Variants in UIMC1 observed in about 807,000 individuals in gnomAD.
UIMC1 encodes BRCA1-A complex subunit RAP80.
UIMC1 carries 42 observed loss-of-function variants against 84.9 expected under a neutral mutation model. The observed-to-expected ratio is 0.49, with a 90% CI of 0.39 to 0.64. UIMC1 has a LOEUF of 0.64. Ranked by LOEUF, UIMC1 falls within the 30% of genes least tolerant of loss-of-function variation. The probability of loss-of-function intolerance (pLI) is 0.00; values close to 1 mark genes in which losing one functional copy is unlikely to be tolerated. For synonymous variants in UIMC1, 281 were observed against 293.0 expected, an observed-to-expected ratio of 0.96 and a Z score of 0.42; for missense variants, 825 against 847.6, an observed-to-expected ratio of 0.97 and a Z score of 0.33.
intron 3 of UIMC1, among the ~76,000 whole-genome samples, chr5:176,971,193 C>T (rs1173119827): frequency 2.0e-5 from 3 of 152,214 alleles, no homozygotes; most frequent in Non-Finnish European, 4.4e-5. Context: ...AATGAATAAA[C>T]AGAGGAATTA....
intron 1 of UIMC1, among the ~76,000 whole-genome samples, chr5:176,995,645 C>G (rs1773499374): frequency 6.6e-6 from 1 of 150,830 alleles, no homozygotes; most frequent in Non-Finnish European, 1.5e-5. Flanking sequence ...AGATCGAGAC[C>G]ATCCTGGCTA....
chr5:176,973,506 G>C (rs1769580750), intron 3 of UIMC1, among the ~76,000 whole-genome samples: 1 of 151,096 alleles, frequency 6.6e-6, no homozygotes, highest in Non-Finnish European at 1.5e-5. Flanking sequence ...CTCAAGTCCA[G>C]GTGGTCGAAG....
chr5:176,940,274 T>A (rs1035244063), intron 10 of UIMC1, among the ~76,000 whole-genome samples: 2 of 152,206 alleles, frequency 1.3e-5, no homozygotes, highest in Non-Finnish European at 1.5e-5. Flanking sequence ...CAGTTATAAA[T>A]GCCAAAGCTT....
chr5:177,018,457 G>A (rs1428918195), intron 1 of UIMC1, among the ~76,000 whole-genome samples: 1 of 152,114 alleles, frequency 6.6e-6, no homozygotes, highest in African/African-American at 2.4e-5. Flanking sequence ...TGCACATACA[G>A]AGTCAGTATT....
In UIMC1 at chr5:176,944,005, C is replaced by T. The variant is rs181313342; in HGVS notation, c.1444-517G>A. Reference sequence around the variant, plus strand: ...ATCCTCATTGCATCAGTGTGCTGTGCCTGCTGGGTTTCACATTTTGCATAT... The same window carrying T: ...ATCCTCATTGCATCAGTGTGCTGTGTCTGCTGGGTTTCACATTTTGCATAT... On this transcript the variant is annotated intron_variant, in intron 9 of 14. Coordinates refer to ENST00000511320, the MANE Select transcript of UIMC1 (RefSeq NM_001199298.2). Among the ~76,000 whole-genome samples the T allele has an allele frequency of 2.6e-5, 4 of 152,290 alleles. No homozygotes were observed. In the East Asian group the frequency reaches 7.7e-4, roughly 29 times the overall value.
intron 1 of UIMC1, among the ~76,000 whole-genome samples, chr5:176,999,262 A>G (rs1047162835): frequency 2.6e-5 from 4 of 152,194 alleles, no homozygotes; most frequent in Non-Finnish European, 5.9e-5. Context: ...TAAGTCTTAT[A>G]CATTTTATTA....
In UIMC1 at chr5:176,911,156, AAAAG is replaced by A. The variant is rs1760140252; in HGVS notation, c.1676+151_1676+154del. Among the ~76,000 whole-genome samples the A allele has an allele frequency of 7.1e-5, 5 of 70,336 alleles. 1 individual carries two copies. Among genetic ancestry groups the A allele is most frequent in the African/African-American group, 3.0e-4 (5 of 16,576 alleles). The allele number at this position is 70,336 out of a possible 152,430, so 46.1% of individuals were successfully genotyped here. On this transcript the variant is annotated intron_variant, in intron 11 of 14. Transcript: ENST00000511320. The stretch of plus-strand genomic sequence containing the variant: ...AAAAGAAAAGAAAAGAAAAGAAAAG[AAAAG>A]AAAAGAAAAGAAAAGAAAATTCAGG...
chr5:176,953,981 C>T (rs529868164), intron 8 of UIMC1, among the ~76,000 whole-genome samples: 1 of 152,084 alleles, frequency 6.6e-6, no homozygotes, highest in South Asian at 2.1e-4. Context: ...AGGAGTTTGG[C>T]TTCATGGTGA....
chr5:176,930,119 A>G (rs937096296), intron 10 of UIMC1, among the ~76,000 whole-genome samples: 3 of 152,184 alleles, frequency 2.0e-5, no homozygotes, highest in African/African-American at 7.2e-5. Context: ...CCATTACCCA[A>G]CTTAGGAACT....
intron 8 of UIMC1, among the ~76,000 whole-genome samples, chr5:176,953,495 T>TACAC (rs137955830): frequency 0.056 from 7,702 of 136,856 alleles, 272 homozygotes; most frequent in South Asian, 0.11. Flanking sequence ...ACTGGACACA[T>TACAC]ACACACACAC....
intron 1 of UIMC1, among the ~76,000 whole-genome samples, chr5:176,986,718 G>A (rs1772080415): frequency 1.3e-5 from 2 of 151,954 alleles, no homozygotes; most frequent in African/African-American, 2.4e-5. Flanking sequence ...GCATGCCTGT[G>A]GTCCCAGCTA....
rs963409037 is a variant in UIMC1 at position 176,981,271 on chromosome 5, A to T, written c.147+1198T>A. Reference sequence around the variant, plus strand: ...GTAATTCTCCTGACTCAGCCTCCAAAGTAGCTGGGACTACAGGCACGTGCC... The same window carrying T: ...GTAATTCTCCTGACTCAGCCTCCAATGTAGCTGGGACTACAGGCACGTGCC... On this transcript the variant is annotated intron_variant, in intron 2 of 14. Coordinates refer to ENST00000511320, the MANE Select transcript of UIMC1 (RefSeq NM_001199298.2). 2.6e-5 allele frequency among the ~76,000 whole-genome samples: 4 copies of T among 151,738 alleles called. No individual in the cohort carries two copies. The South Asian group carries it at 8.3e-4, about 31-fold the overall frequency.
chr5:176,935,945 G>A (rs1399351040), intron 10 of UIMC1, among the ~76,000 whole-genome samples: 1 of 152,070 alleles, frequency 6.6e-6, no homozygotes, highest in Non-Finnish European at 1.5e-5. Flanking sequence ...CTGACTCTAA[G>A]CCACACCCTC....
At chr5:176,943,902 G>A in intron 9 of UIMC1, among the ~76,000 whole-genome samples, 1 of 152,210 alleles carries the variant, frequency 6.6e-6, no homozygotes, top group Non-Finnish European at 1.5e-5. Context: ...GTAAGTGGGA[G>A]TGTTGAGATT....
chr5:176,968,554 C>T lies in UIMC1; in HGVS notation c.1200+1G>A. ...TTAATTACAGCATCACTGACCCTTACCTGACCATGACTGGTTGTTGGTTCT... is the reference window on the plus strand; with the variant it reads ...TTAATTACAGCATCACTGACCCTTATCTGACCATGACTGGTTGTTGGTTCT... On this transcript the variant is annotated splice_donor_variant, in intron 6 of 14. Transcript: ENST00000511320. LOFTEE classifies it high-confidence loss of function. 6.2e-7 allele frequency: 1 copy of T among 1,603,648 alleles called. No homozygotes were observed.
In UIMC1 at chr5:176,905,510, A is replaced by T; in HGVS notation, c.1950-18T>A. ...AAGGCACCCTAGAGAGAAGGAAAAA[A>T]ATTCAGATTCAATATACACCTACTA... On this transcript the variant is annotated intron_variant, in intron 14 of 14. Coordinates refer to ENST00000511320, the MANE Select transcript of UIMC1 (RefSeq NM_001199298.2). The T allele has an allele frequency of 6.2e-7, 1 of 1,611,054 alleles. No homozygotes were observed. Among genetic ancestry groups the T allele is most frequent in the Non-Finnish European group, 8.5e-7 (1 of 1,179,196 alleles).
At chr5:176,995,883 T>C (rs1286859514) in intron 1 of UIMC1, among the ~76,000 whole-genome samples, 1 of 146,624 alleles carries the variant, frequency 6.8e-6, no homozygotes, top group East Asian at 2.0e-4. Flanking sequence ...AAGTGGTACA[T>C]CCACTTTGGA....
intron 3 of UIMC1, among the ~76,000 whole-genome samples, chr5:176,972,075 G>T (rs1283478458): frequency 6.6e-6 from 1 of 151,780 alleles, no homozygotes; most frequent in Non-Finnish European, 1.5e-5. Context: ...TATACTACTG[G>T]GTAACCAAGC....
chr5:176,959,243 C>T (rs565160413), intron 6 of UIMC1, among the ~76,000 whole-genome samples: 3 of 152,202 alleles, frequency 2.0e-5, no homozygotes, highest in Admixed American at 2.0e-4. Context: ...TTTTATTGAA[C>T]TCTCAGAAAG....
Sources: gnomAD v4.1 joint callset for allele counts (sites outside exome capture counted in the v4.1 genomes callset) on GRCh38, gnomAD v4.1.1 for gene constraint, MANE v1.5 for transcripts, NCBI Gene and HGNC (gene_info 2026-07-23, HGNC 2026-07-21) for gene names.